ANK1: variants seen among roughly 807,000 people sequenced by gnomAD.
ANK1 encodes ankyrin-1.
A neutral mutation model predicts 210.4 loss-of-function variants in ANK1; 51 were observed. The ratio of observed to expected loss-of-function variants is 0.24; its 90% confidence interval spans 0.19 to 0.31. ANK1 has a LOEUF of 0.31. Among genes scored for constraint, ANK1 ranks in the 10% least tolerant of loss-of-function variants. The pLI, the probability that ANK1 is intolerant of heterozygous loss-of-function variation, is 1.00. For synonymous variants in ANK1, 967 were observed against 1,025.9 expected (o/e 0.94, Z 1.10); for missense variants, 2,051 against 2,504.4 (o/e 0.82, Z 3.86).
Position 41,876,628 on chromosome 8 carries a change from G to A in ANK1, c.126+19727C>T, listed in dbSNP as rs1320496793. ...ACGCGCTGTCCTTCACACCTCTAAA[G>A]GGCTCTGGTTTCCAGCCTGAAGGCT... is the stretch of plus-strand genomic sequence containing the variant. On this transcript the variant is annotated intron_variant, in intron 1 of 42. Coordinates refer to the ANK1 transcript ENST00000265709. Among the ~76,000 whole-genome samples, 4 of 152,224 alleles carry A rather than the reference G, an allele frequency of 2.6e-5. No individual in the cohort carries two copies. In the South Asian group the frequency reaches 8.3e-4, roughly 31 times the overall value.
At chr8:41,732,358 C>T (rs1451976989) in intron 3 of ANK1, among the ~76,000 whole-genome samples, 4 of 152,164 alleles carry the variant, frequency 2.6e-5, no homozygotes, top group African/African-American at 9.7e-5. Context: ...GAAGAGAAAA[C>T]AGTAACTGGG....
intron 1 of ANK1, among the ~76,000 whole-genome samples, chr8:41,769,977 C>CTTTTTTTTTTTTTTTTTTTTTTTTTT (rs59542968): frequency 1.2e-5 from 1 of 86,654 alleles, no homozygotes; most frequent in Non-Finnish European, 2.1e-5. Context: ...TTTCTTTTTT[C>CTTTTTTTTTTTTTTTTTTTTTTTTTT]TTTTTTTTTT....
intron 1 of ANK1, among the ~76,000 whole-genome samples, chr8:41,842,741 G>A (rs1487686390): frequency 6.6e-6 from 1 of 152,200 alleles, no homozygotes; most frequent in Admixed American, 6.5e-5. Flanking sequence ...ACTGGGGCTG[G>A]GCATTGGAAG....
intron 1 of ANK1, chr8:41,896,297 C>A: frequency 6.4e-7 from 1 of 1,564,512 alleles, no homozygotes; most frequent in South Asian, 1.2e-5. Context: ...GACCCCTGCC[C>A]CCAGCAGCCA....
intron 1 of ANK1, among the ~76,000 whole-genome samples, chr8:41,827,472 C>T (rs1273865738): frequency 6.6e-6 from 1 of 152,234 alleles, no homozygotes; most frequent in East Asian, 1.9e-4. Context: ...AAACTCTCCA[C>T]ATACTATCTT....
intron 1 of ANK1, among the ~76,000 whole-genome samples, chr8:41,820,414 G>A (rs1194963616): frequency 2.0e-5 from 3 of 150,134 alleles, no homozygotes; most frequent in South Asian, 2.1e-4. Context: ...TAGGCTGGTC[G>A]CAAACACCTA....
In ANK1 at chr8:41,873,063, G is replaced by A. The variant is rs186200001; in HGVS notation, c.126+23292C>T. ...TGAAGCCAGCCATGCTGAACGAGCC[G>A]TTCTCGTCTCCTGCTCATTCCACCT... On this transcript the variant is annotated intron_variant, in intron 1 of 42. Coordinates refer to the ANK1 transcript ENST00000265709. 1.7e-3 allele frequency among the ~76,000 whole-genome samples: 258 copies of A among 152,352 alleles called. 1 individual carries two copies. The highest frequency in any genetic ancestry group is 5.9e-3 in the African/African-American group (246 of 41,576).
intron 37 of ANK1, among the ~76,000 whole-genome samples, chr8:41,675,168 G>A (rs566712977): frequency 6.6e-6 from 1 of 152,318 alleles, no homozygotes; most frequent in Non-Finnish European, 1.5e-5. Context: ...TCAGTTCACT[G>A]TAACCTCTGC....
chr8:41,692,910 G>T lies in ANK1; in HGVS notation c.3630-34C>A, dbSNP rs1433877698. 4.4e-6 allele frequency: 7 copies of T among 1,597,102 alleles called. No individual in the cohort carries two copies. In the South Asian group the frequency reaches 7.7e-5, roughly 18 times the overall value. ...TAGGGCGAGTTATGTGTTCCCAAGT[G>T]CCCAACAGAGAGCATCCTTTCCATC... On this transcript the variant is annotated intron_variant, in intron 30 of 42. Transcript: ENST00000289734.
At chr8:41,847,443 A>G (rs991340141) in intron 1 of ANK1, among the ~76,000 whole-genome samples, 4 of 152,238 alleles carry the variant, frequency 2.6e-5, no homozygotes, top group Non-Finnish European at 4.4e-5. Context: ...CGGTCTTCAC[A>G]GGGGACCAGG....
At chr8:41,830,032 C>A (rs1806312762) in intron 1 of ANK1, 1 of 150,474 alleles carries the variant, frequency 6.6e-6, no homozygotes, top group African/African-American at 2.5e-5. Flanking sequence ...CCGATAACAT[C>A]AATGAAATTT....
intron 17 of ANK1, 109 bp downstream of exon 17, chr8:41,708,667 TAC>T (rs199529192): frequency 4.1e-4 from 485 of 1,180,944 alleles, no homozygotes; most frequent in Non-Finnish European, 5.5e-4. Flanking sequence ...TTCCAAGGAT[TAC>T]ACACACACAC....
At chr8:41,658,897 T>C in intron 42 of ANK1, among the ~76,000 whole-genome samples, 1 of 148,670 alleles carries the variant, frequency 6.7e-6, no homozygotes, top group African/African-American at 2.5e-5. Flanking sequence ...CCTCTCAAAA[T>C]ATAAATAAAT....
intron 37 of ANK1, among the ~76,000 whole-genome samples, chr8:41,683,811 A>T (rs576834411): frequency 6.6e-6 from 1 of 152,092 alleles, no homozygotes; most frequent in Non-Finnish European, 1.5e-5. Flanking sequence ...CGGGCGAGGA[A>T]GGTGTTGCGA....
At chr8:41,757,576 C>T (rs924840025) in intron 2 of ANK1, among the ~76,000 whole-genome samples, 2 of 152,216 alleles carry the variant, frequency 1.3e-5, no homozygotes, top group African/African-American at 2.4e-5. Context: ...ATCCTCAACC[C>T]GAGCCCACTC....
intron 15 of ANK1, 80 bp from the exon 16 acceptor site, chr8:41,714,334 C>T: frequency 9.1e-7 from 1 of 1,095,258 alleles, no homozygotes. Flanking sequence ...CATGGGAGCA[C>T]CTATTTTATA....
At chr8:41,885,582 A>C (rs1430213707) in intron 1 of ANK1, among the ~76,000 whole-genome samples, 1 of 152,208 alleles carries the variant, frequency 6.6e-6, no homozygotes, top group Non-Finnish European at 1.5e-5. Context: ...TACTGGCTGG[A>C]TCCATCACAC....
chr8:41,730,759 C>T (rs562242905), intron 3 of ANK1, among the ~76,000 whole-genome samples: 1 of 152,328 alleles, frequency 6.6e-6, no homozygotes, highest in South Asian at 2.1e-4. Context: ...CGCTGAGCTC[C>T]AAGTGGCATC....
At chr8:41,720,884 T>G (rs1586438284) in intron 9 of ANK1, among the ~76,000 whole-genome samples, 1 of 151,526 alleles carries the variant, frequency 6.6e-6, no homozygotes, top group Admixed American at 6.6e-5. Context: ...CAGTCCGGGG[T>G]GAGGTGATTC....
Sources: gnomAD v4.1 joint callset for allele counts (sites outside exome capture counted in the v4.1 genomes callset) on GRCh38, gnomAD v4.1.1 for gene constraint, MANE v1.5 for transcripts, NCBI Gene and HGNC (gene_info 2026-07-23, HGNC 2026-07-21) for gene names.